TMEM225B: variants seen among roughly 807,000 people sequenced by gnomAD.
TMEM225B encodes transmembrane protein 225-like.
In TMEM225B, 10 loss-of-function variants were observed where a neutral mutation model predicts 16.9. The ratio of observed to expected loss-of-function variants is 0.59; its 90% CI spans 0.36 to 1.00. TMEM225B has a LOEUF of 1.00. TMEM225B is among the 50% of genes least tolerant of loss of function. TMEM225B has a pLI of 0.01. For missense variants in TMEM225B, 217 were observed against 267.0 expected, an observed-to-expected ratio of 0.81 and a Z score of 1.30; for synonymous variants, 92 against 109.8, an observed-to-expected ratio of 0.84 and a Z score of 1.01.
intron 5 of TMEM225B, among the ~76,000 whole-genome samples, chr7:99,608,160 C>T (rs1354705235): frequency 6.6e-6 from 1 of 152,150 alleles, no homozygotes; most frequent in Non-Finnish European, 1.5e-5. Flanking sequence ...GAGGTTGAGG[C>T]AGGAGAATCG....
Position 99,608,858 on chromosome 7 carries a change from T to TATATAC in TMEM225B, c.493+1049_493+1050insTATACA, listed in dbSNP as rs536627768. ...GTGCACGTATATATATATATATATA[T>TATATAC]ACACACACACATATATGTGTATATA... On this transcript the variant is annotated intron_variant, in intron 5 of 5. Transcript: ENST00000431679. Among the ~76,000 whole-genome samples the TATATAC allele has an allele frequency of 4.1e-3, 593 of 144,426 alleles. 16 individuals carry two copies. The highest frequency in any genetic ancestry group is 0.015 in the African/African-American group (527 of 35,652). 94.7% of individuals were successfully genotyped at this position (144,426 alleles called of 152,430 possible). A position where few individuals can be genotyped will look rare whatever the true frequency, so the allele number is the denominator to read the frequency against.
chr7:99,599,555 G>C (rs10240199), intron 1 of TMEM225B, among the ~76,000 whole-genome samples: 36,266 of 152,138 alleles, frequency 0.24, 6,300 homozygotes, highest in African/African-American at 0.48. Flanking sequence ...TCTCAAAAAA[G>C]AACAACAACA....
chr7:99,604,304 C>T, intron 2 of TMEM225B, 82 bp from the exon 3 acceptor site: 2 of 886,362 alleles, frequency 2.3e-6, no homozygotes, highest in East Asian at 2.6e-5. Flanking sequence ...TGACATTTCC[C>T]CAGCCACTGT....
chr7:99,604,346 G>A, intron 2 of TMEM225B, 40 bp from the exon 3 acceptor site: 1 of 1,434,328 alleles, frequency 7.0e-7, no homozygotes, highest in Middle Eastern at 1.7e-4. Context: ...GAGAATTTGG[G>A]TCGGTGTCCC....
At position 99,610,563 on chromosome 7, in the gene TMEM225B, T is replaced by C; in HGVS notation, c.664T>C (p.Ter222GlnextTer18). Reference protein sequence around the residue: ...ETQVTAETVI* With the variant: ...ETQVTAETVIQ ...ACAGGTGACAGCAGAAACAGTCATC[T>C]AGCCCAGGACATGGCTTCTTTACCC... is the stretch of plus-strand genomic sequence containing the variant. Residue 222 changes from the stop codon to glutamine, a stop_lost, in exon 6 of 6, where the codon TAG becomes CAG. Transcript: ENST00000431679. The C allele has an allele frequency of 6.5e-7, 1 of 1,536,080 alleles. No homozygotes were observed. Among genetic ancestry groups the C allele is most frequent in the South Asian group, 1.2e-5 (1 of 84,052 alleles).
intron 1 of TMEM225B, 122 bp from the exon 2 acceptor site, chr7:99,600,083 G>T: frequency 1.5e-6 from 1 of 647,960 alleles, no homozygotes; most frequent in Non-Finnish European, 2.8e-6. Context: ...GAGTGGAGGG[G>T]GCAGTGGGAA....
At chr7:99,604,829 AC>A (rs1447553178) in intron 3 of TMEM225B, among the ~76,000 whole-genome samples, 2 of 152,076 alleles carry the variant, frequency 1.3e-5, no homozygotes, top group African/African-American at 4.8e-5. Context: ...CCCTGTTGCT[AC>A]AAAAATGAGA....
At position 99,610,527 on chromosome 7, in the gene TMEM225B, C is replaced by A; in HGVS notation, c.628C>A (p.Gln210Lys). 3 of 1,536,078 alleles carry A rather than the reference C, an allele frequency of 2.0e-6. No homozygotes were observed. Among genetic ancestry groups the A allele is most frequent in the Non-Finnish European group, 2.6e-6 (3 of 1,146,904 alleles). Reference sequence around the variant, plus strand: ...TTTGGGAGGAGAACCGAGCTCAGTACAAAAGGAGACACAGGTGACAGCAGA... The same window carrying A: ...TTTGGGAGGAGAACCGAGCTCAGTAAAAAAGGAGACACAGGTGACAGCAGA... ...ESLGGEPSSV[Q>K]KETQVTAETV... The change falls in exon 6 of 6, where the codon CAA (glutamine) becomes AAA (lysine). Residue 210 changes from glutamine (Q) to lysine (K), a missense_variant. Gln to Lys is a moderately conservative substitution (Grantham distance 53). Coordinates refer to ENST00000431679, the MANE Select transcript of TMEM225B (RefSeq NM_001195541.3).
chr7:99,609,525 G>A (rs1275008739), intron 5 of TMEM225B, among the ~76,000 whole-genome samples: 9 of 149,334 alleles, frequency 6.0e-5, no homozygotes, highest in East Asian at 2.0e-4. Flanking sequence ...TGCAACCTCC[G>A]TCTCCTGGGT....
chr7:99,600,184 T>A (rs1304676313), intron 1 of TMEM225B, 21 bp from the exon 2 acceptor site: 1 of 702,898 alleles, frequency 1.4e-6, no homozygotes. Context: ...ACATGATGTG[T>A]TTCTGTGTCT....
chr7:99,606,632 T>C (rs1267292586), intron 3 of TMEM225B, 116 bp from the exon 4 acceptor site: 3 of 905,416 alleles, frequency 3.3e-6, no homozygotes, highest in Non-Finnish European at 4.9e-6. Context: ...AAGGCCATGC[T>C]TTGGGATCTA....
At position 99,607,750 on chromosome 7, in the gene TMEM225B, T is replaced by A. The variant is rs556812730; in HGVS notation, c.433T>A (p.Phe145Ile). 164 of 1,536,104 alleles carry A rather than the reference T, an allele frequency of 1.1e-4. No homozygotes were observed. In the East Asian group the frequency reaches 3.3e-3, roughly 31 times the overall value. The change falls in exon 5 of 6, where the codon TTC (phenylalanine) becomes ATC (isoleucine). Residue 145 changes from phenylalanine to isoleucine, a missense_variant. Transcript: ENST00000431679. ...GAGGATGAAGCTCGGCCCCCTGCAG[T>A]TCTCCGTGCTGTGGCCTTACTACGT... ...ALRMKLGPLQ[F>I]SVLWPYYVLG...
rs561741119 is a variant in TMEM225B, at chr7:99,607,883, T to A, written c.493+73T>A. 3 of 1,455,882 alleles carry A rather than the reference T, an allele frequency of 2.1e-6. No individual in the cohort carries two copies. In the East Asian group the frequency reaches 7.5e-5, roughly 37 times the overall value. The allele number at this position is 1,455,882 out of a possible 1,614,324, so 90.2% of individuals were successfully genotyped here. On this transcript the variant is annotated intron_variant, in intron 5 of 5. Coordinates refer to ENST00000431679, the MANE Select transcript of TMEM225B (RefSeq NM_001195541.3). ...TTAGGAACCTGTCTTGTGGAGGCCC[T>A]CCCTTTGGATTCTCTAGAATTGCAC...
intron 2 of TMEM225B, among the ~76,000 whole-genome samples, chr7:99,602,249 A>G (rs954491980): frequency 2.6e-5 from 4 of 152,120 alleles, no homozygotes; most frequent in Admixed American, 2.6e-4. Context: ...CTTCCTTCCC[A>G]TTGCTGGATA....
At chr7:99,608,547 CTTTT>C (rs542884054) in intron 5 of TMEM225B, among the ~76,000 whole-genome samples, 1 of 128,826 alleles carries the variant, frequency 7.8e-6, no homozygotes, top group Non-Finnish European at 1.6e-5. Context: ...CTGTCTCTAC[CTTTT>C]TTTTTTTTTT....
intron 1 of TMEM225B, among the ~76,000 whole-genome samples, chr7:99,599,712 T>A (rs1584296074): frequency 6.6e-6 from 1 of 152,258 alleles, no homozygotes; most frequent in Admixed American, 6.5e-5. Flanking sequence ...AAGCATTCTC[T>A]GGATCCACAG....
Position 99,600,294 on chromosome 7 carries a change from A to G in TMEM225B, c.-4+9A>G, listed in dbSNP as rs1379093639. 1 of 702,882 alleles carries G rather than the reference A, an allele frequency of 1.4e-6. No individual in the cohort carries two copies. The highest frequency in any genetic ancestry group is 2.7e-5 in the East Asian group (1 of 37,276). The allele number at this position is 702,882 out of a possible 1,614,324, so 43.5% of individuals were successfully genotyped here. A position where few individuals can be genotyped will look rare whatever the true frequency, so the allele number is the denominator to read the frequency against. On this transcript the variant is annotated intron_variant, in intron 2 of 5. Transcript: ENST00000431679. ...TGGGAGTGGGGCGACCTGTAAGTGC[A>G]CAGTGAATTTTTGCTGAGGGAGTGG...
chr7:99,603,065 G>T (rs1375706200), intron 2 of TMEM225B, among the ~76,000 whole-genome samples: 1 of 152,150 alleles, frequency 6.6e-6, no homozygotes, highest in Non-Finnish European at 1.5e-5. Context: ...AAGAGAAGAT[G>T]GGTTTGGGGG....
intron 3 of TMEM225B, 62 bp downstream of exon 3, chr7:99,604,658 TG>T: frequency 5.2e-6 from 7 of 1,339,270 alleles, no homozygotes; most frequent in Non-Finnish European, 7.2e-6. Context: ...GGGACAGAGG[TG>T]GGGGGTGAAA....
Sources: allele counts gnomAD v4.1 joint callset (sites outside exome capture counted in the v4.1 genomes callset), GRCh38; gene constraint gnomAD v4.1.1; transcripts MANE v1.5; gene names NCBI Gene and HGNC (gene_info 2026-07-23, HGNC 2026-07-21).